The following GCSAM variants were observed in gnomAD, a reference collection of about 807,000 sequenced individuals.
GCSAM encodes the protein germinal center associated signaling and motility, also known as germinal center-associated signaling and motility protein.
Under a neutral mutation model 17.6 loss-of-function variants are expected in GCSAM, and 8 were observed. The ratio of observed to expected loss-of-function variants is 0.46; its 90% confidence interval spans 0.27 to 0.82. The LOEUF (loss-of-function observed/expected upper bound fraction) is 0.82, where lower values mean the gene tolerates loss of function less well. Ranked by LOEUF, GCSAM falls within the 40% of genes least tolerant of loss-of-function variation. GCSAM has a pLI of 0.15. For missense variants in GCSAM, 192 were observed against 213.5 expected, an observed-to-expected ratio of 0.90 and a Z score of 0.63; for synonymous variants, 68 against 69.0, an observed-to-expected ratio of 0.98 and a Z score of 0.07.
intron 2 of GCSAM, chr3:112,129,984 G>A (rs1330435432): frequency 6.3e-6 from 1 of 157,734 alleles, no homozygotes; most frequent in Non-Finnish European, 1.4e-5. Context: ...AAGAATTAAT[G>A]AGGTGGTCTT....
At chr3:112,132,437 G>A (rs560055341) in intron 1 of GCSAM, among the ~76,000 whole-genome samples, 1 of 152,300 alleles carries the variant, frequency 6.6e-6, no homozygotes, top group Admixed American at 6.5e-5. Context: ...TATTAAGGAA[G>A]ATGATGGTCA....
chr3:112,126,369 T>C (rs536189354), intron 4 of GCSAM, among the ~76,000 whole-genome samples: 1 of 152,328 alleles, frequency 6.6e-6, no homozygotes, highest in East Asian at 1.9e-4. Flanking sequence ...CTACACTTTC[T>C]TATTTTTATT....
At chr3:112,126,006 A>G (rs1010689710) in intron 4 of GCSAM, among the ~76,000 whole-genome samples, 1 of 152,210 alleles carries the variant, frequency 6.6e-6, no homozygotes, top group African/African-American at 2.4e-5. Flanking sequence ...CATATGGTAT[A>G]TGGATTGACA....
At chr3:112,128,313 C>T (rs2074376671) in intron 2 of GCSAM, 1 of 641,710 alleles carries the variant, frequency 1.6e-6, no homozygotes, top group South Asian at 1.6e-5. Flanking sequence ...TGTTTCCTCA[C>T]TCTCAATTCT....
chr3:112,123,602 A>G lies in GCSAM; in HGVS notation c.390T>C (p.Leu130=), dbSNP rs776764846. The G allele has an allele frequency of 9.3e-6, 15 of 1,614,118 alleles. No individual in the cohort carries two copies. The highest frequency in any genetic ancestry group is 1.3e-5 in the Non-Finnish European group (15 of 1,180,004). The change falls in exon 6 of 6, where the codon CTT becomes CTC. Residue 130 remains leucine (L), a synonymous_variant. Transcript: ENST00000308910. ...SLGGTETEYS[L]LHMPSTDPRH... is the part of the protein sequence containing the mutation. The stretch of plus-strand genomic sequence containing the variant: ...TGGGGTCTGTAGAAGGCATATGTAG[A>G]AGTGAATACTCAGTCTCAGTTCCTC...
At chr3:112,131,939 TAAAAC>T (rs1255076509) in intron 1 of GCSAM, among the ~76,000 whole-genome samples, 1 of 152,140 alleles carries the variant, frequency 6.6e-6, no homozygotes, top group Non-Finnish European at 1.5e-5. Flanking sequence ...TTTTCTTACA[TAAAAC>T]AAAATTTTAA....
At position 112,125,239 on chromosome 3, in the gene GCSAM, G is replaced by A; in HGVS notation, c.206C>T (p.Ser69Phe). The change falls in exon 5 of 6, where the codon TCT (serine) becomes TTT (phenylalanine). Residue 69 changes from serine to phenylalanine, a missense_variant. Transcript: ENST00000308910. The part of the protein sequence containing the change: ...DSQNENERMS[S>F]TPIQDNVDQT... ...TGTTCTTATTACCTGGATGGGAGTAGATGACATTCTTTCATCTGGAGAAAG... is the reference window on the plus strand; with the variant it reads ...TGTTCTTATTACCTGGATGGGAGTAAATGACATTCTTTCATCTGGAGAAAG... The A allele has an allele frequency of 4.4e-6, 7 of 1,581,152 alleles. No individual in the cohort carries two copies. The highest frequency in any genetic ancestry group is 6.1e-6 in the Non-Finnish European group (7 of 1,150,112).
rs2074201240 is a variant in GCSAM, at chr3:112,121,605, C to G, written c.*1850G>C. ...CATGTTACATCTTGTACAATATCCA[C>G]TGCTAACTGAATATTTCCTTTTGAG... is the stretch of plus-strand genomic sequence containing the variant. On this transcript the variant is annotated 3_prime_UTR_variant, in exon 6 of 6. Coordinates refer to ENST00000308910, the MANE Select transcript of GCSAM (RefSeq NM_152785.5). The G allele has an allele frequency of 6.6e-6, 1 of 152,218 alleles. No individual in the cohort carries two copies. Among genetic ancestry groups the G allele is most frequent in the African/African-American group, 2.4e-5 (1 of 41,460 alleles). 9.4% of individuals were successfully genotyped at this position (152,218 alleles called of 1,614,324 possible).
rs2074218435 is a variant in GCSAM at position 112,122,451 on chromosome 3, T to C, written c.*1004A>G. On this transcript the variant is annotated 3_prime_UTR_variant, in exon 6 of 6. Coordinates refer to ENST00000308910, the MANE Select transcript of GCSAM (RefSeq NM_152785.5). Reference sequence around the variant, plus strand: ...CCTGGTTTAGAGGATAGATATAATTTGAGGAACACTAAGGAAAAGATAAGA... The same window carrying C: ...CCTGGTTTAGAGGATAGATATAATTCGAGGAACACTAAGGAAAAGATAAGA... 2 of 152,148 alleles carry C rather than the reference T, an allele frequency of 1.3e-5. No individual in the cohort carries two copies. The allele number at this position is 152,148 out of a possible 1,614,324, so 9.4% of individuals were successfully genotyped here.
chr3:112,127,543 G>C (rs1031854915), intron 3 of GCSAM, among the ~76,000 whole-genome samples: 5 of 152,170 alleles, frequency 3.3e-5, no homozygotes, highest in African/African-American at 1.2e-4. Context: ...TCTGCTGTGA[G>C]GGTAACCCTA....
intron 1 of GCSAM, among the ~76,000 whole-genome samples, chr3:112,132,310 C>T (rs555833682): frequency 6.6e-6 from 1 of 152,212 alleles, no homozygotes; most frequent in African/African-American, 2.4e-5. Flanking sequence ...ACCAGGGATT[C>T]CAAACATAAC....
chr3:112,131,971 T>A (rs1411598875), intron 1 of GCSAM, among the ~76,000 whole-genome samples: 2 of 152,180 alleles, frequency 1.3e-5, no homozygotes, highest in Non-Finnish European at 2.9e-5. Context: ...AAAATTTTTT[T>A]AAAGTTTTTT....
intron 5 of GCSAM, among the ~76,000 whole-genome samples, chr3:112,124,513 G>A (rs767593194): frequency 2.6e-5 from 4 of 152,144 alleles, no homozygotes; most frequent in African/African-American, 7.2e-5. Flanking sequence ...GGAGGCTGAG[G>A]CTGAGAATCG....
At chr3:112,131,975 G>GT (rs2074465176) in intron 1 of GCSAM, among the ~76,000 whole-genome samples, 1 of 152,090 alleles carries the variant, frequency 6.6e-6, no homozygotes, top group Non-Finnish European at 1.5e-5. Context: ...TTTTTTTAAA[G>GT]TTTTTTTGCA....
chr3:112,122,141 T>G lies in GCSAM; in HGVS notation c.*1314A>C, dbSNP rs1256942992. 1.3e-5 allele frequency: 2 copies of G among 152,254 alleles called. No homozygotes were observed. Among genetic ancestry groups the G allele is most frequent in the African/African-American group, 4.8e-5 (2 of 41,468 alleles). The allele number at this position is 152,254 out of a possible 1,614,324, so 9.4% of individuals were successfully genotyped here. A position where few individuals can be genotyped will look rare whatever the true frequency, so the allele number is the denominator to read the frequency against. The stretch of plus-strand genomic sequence containing the variant: ...TAATATTTTTATGCCATTTTATTGG[T>G]GCTTGCTCTTATGCATCAGTAACCA... On this transcript the variant is annotated 3_prime_UTR_variant, in exon 6 of 6. Transcript: ENST00000308910.
intron 4 of GCSAM, among the ~76,000 whole-genome samples, chr3:112,126,067 G>A (rs1242542315): frequency 6.6e-6 from 1 of 152,086 alleles, no homozygotes; most frequent in Non-Finnish European, 1.5e-5. Flanking sequence ...AGCTCCTATA[G>A]GCATCTAAAA....
At chr3:112,130,206 A>G (rs182291377) in intron 2 of GCSAM, 3 of 545,718 alleles carry the variant, frequency 5.5e-6, no homozygotes, top group Non-Finnish European at 9.9e-6. Flanking sequence ...CATAACAGGG[A>G]CTAGCAGGGT....
chr3:112,123,236 C>T lies in GCSAM; in HGVS notation c.*219G>A, dbSNP rs1348717248. On this transcript the variant is annotated 3_prime_UTR_variant, in exon 6 of 6. Coordinates refer to ENST00000308910, the MANE Select transcript of GCSAM (RefSeq NM_152785.5). ...ACCATGTAGAACCAAAGATGGTTAC[C>T]TCTTTCTCAAATGGTGTTGTTCAGG... The T allele has an allele frequency of 4.9e-6, 4 of 815,666 alleles. No individual in the cohort carries two copies. The highest frequency in any genetic ancestry group is 7.4e-6 in the Non-Finnish European group (4 of 541,812). The allele number at this position is 815,666 out of a possible 1,614,324, so 50.5% of individuals were successfully genotyped here. A position where few individuals can be genotyped will look rare whatever the true frequency, so the allele number is the denominator to read the frequency against.
chr3:112,130,053 G>T, intron 2 of GCSAM: 1 of 175,366 alleles, frequency 5.7e-6, no homozygotes, highest in Non-Finnish European at 1.2e-5. Context: ...AAAAATTGTC[G>T]TAACATGGGG....
Sources: gnomAD v4.1 joint callset for allele counts (sites outside exome capture counted in the v4.1 genomes callset) on GRCh38, gnomAD v4.1.1 for gene constraint, MANE v1.5 for transcripts, NCBI Gene and HGNC (gene_info 2026-07-23, HGNC 2026-07-21) for gene names.